Variants in FANCA observed in about 807,000 individuals in gnomAD.
The protein encoded by FANCA is FA complementation group A.
FANCA carries 236 observed loss-of-function variants against 194.3 expected under a neutral mutation model. The observed-to-expected ratio is 1.21, with a 90% CI of 1.09 to 1.35. The LOEUF is 1.35. Ranked by LOEUF, FANCA falls within the 40% of genes most tolerant of loss-of-function variation. The pLI, the probability that FANCA is intolerant of heterozygous loss-of-function variation, is 0.00. For missense variants in FANCA, 2,628 were observed against 1,813.9 expected, an observed-to-expected ratio of 1.45 and a Z score of -8.15; for synonymous variants, 1,014 against 715.8, an observed-to-expected ratio of 1.42 and a Z score of -6.65.
Position 89,738,239 on chromosome 16 carries a change from C to A in FANCA, c.*362G>T. ...GAGGGCCAGGCGGTGAAGCCCGAAC[C>A]CACCTGAGGACGGCAGTGAGGATGA... is the stretch of plus-strand genomic sequence containing the variant. On this transcript the variant is annotated 3_prime_UTR_variant, in exon 43 of 43. Transcript: ENST00000389301. 1 of 1,602,536 alleles carries A rather than the reference C, an allele frequency of 6.2e-7. No homozygotes were observed. Among genetic ancestry groups the A allele is most frequent in the Non-Finnish European group, 8.5e-7 (1 of 1,175,140 alleles).
In FANCA at chr16:89,799,217, A is replaced by AACTG; in HGVS notation, c.841_842insCAGT (p.Leu281SerfsTer59). The AACTG allele has an allele frequency of 6.2e-7, 1 of 1,614,122 alleles. No homozygotes were observed. The highest frequency in any genetic ancestry group is 8.5e-7 in the Non-Finnish European group (1 of 1,180,048). On this transcript the variant is annotated frameshift_variant, in exon 10 of 43. Coordinates refer to ENST00000389301, the MANE Select transcript of FANCA (RefSeq NM_000135.4). LOFTEE classifies it high-confidence loss of function. ...GGACTCCTCCTGTACTCCAGCAGCC[A>AACTG]AAGCGTCAAGTGCAACTGAAGACAG... is the stretch of plus-strand genomic sequence containing the variant.
At chr16:89,777,463 C>T (rs561038239) in intron 20 of FANCA, among the ~76,000 whole-genome samples, 3 of 151,668 alleles carry the variant, frequency 2.0e-5, no homozygotes, top group Admixed American at 6.6e-5. Context: ...TGGTGGCTCA[C>T]GCTTGTAATC....
Position 89,746,637 on chromosome 16 carries a change from A to T in FANCA, c.3460T>A (p.Phe1154Ile). Residue 1154 changes from phenylalanine to isoleucine, a missense_variant, in exon 35 of 43, where the codon TTC becomes ATC. Coordinates refer to ENST00000389301, the MANE Select transcript of FANCA (RefSeq NM_000135.4). The stretch of plus-strand genomic sequence containing the variant: ...TTCGTCTGGCACTTGGCCAGTATGA[A>T]GTCGACCATCAGGGAGGGGTCTCTG... Reference protein sequence around the residue: ...RSRDPSLMVDFILAKCQTKCP... With the variant: ...RSRDPSLMVDIILAKCQTKCP... The T allele has an allele frequency of 6.2e-7, 1 of 1,614,222 alleles. No individual in the cohort carries two copies. The highest frequency in any genetic ancestry group is 1.3e-5 in the African/African-American group (1 of 75,066).
intron 22 of FANCA, among the ~76,000 whole-genome samples, chr16:89,772,754 G>C (rs1345947628): frequency 6.6e-6 from 1 of 151,806 alleles, no homozygotes; most frequent in Non-Finnish European, 1.5e-5. Flanking sequence ...AGGAGGCGGA[G>C]GTTGCAGTGA....
intron 3 of FANCA, 59 bp from the exon 4 acceptor site, chr16:89,811,130 A>G (rs1260895008): frequency 2.5e-6 from 4 of 1,610,194 alleles, no homozygotes; most frequent in Non-Finnish European, 3.4e-6. Context: ...ATCTAAAACC[A>G]AAGACTTGCT....
intron 28 of FANCA, among the ~76,000 whole-genome samples, chr16:89,762,437 T>C (rs1404592624): frequency 6.6e-6 from 1 of 151,818 alleles, no homozygotes; most frequent in Non-Finnish European, 1.5e-5. Flanking sequence ...CTACAAAAGA[T>C]TTAAAAATCA....
At chr16:89,740,181 G>A (rs1280590354) in intron 38 of FANCA, 82 bp from the exon 39 acceptor site, 6 of 1,085,944 alleles carry the variant, frequency 5.5e-6, no homozygotes, top group African/African-American at 1.5e-5. Flanking sequence ...CAGCACAGAA[G>A]AGGGCATTTC....
chr16:89,756,162 T>C (rs913087848), intron 30 of FANCA, among the ~76,000 whole-genome samples: 1 of 152,218 alleles, frequency 6.6e-6, no homozygotes, highest in Admixed American at 6.5e-5. Context: ...AACATTCTTA[T>C]GCAGTACATG....
intron 17 of FANCA, among the ~76,000 whole-genome samples, chr16:89,781,675 C>CAA (rs1191506028): frequency 2.7e-4 from 22 of 81,602 alleles, no homozygotes; most frequent in African/African-American, 4.3e-4. Flanking sequence ...GACTCCGTCT[C>CAA]AAAAAAAAAA....
intron 14 of FANCA, among the ~76,000 whole-genome samples, chr16:89,789,401 C>T (rs1420266680): frequency 6.6e-6 from 1 of 150,402 alleles, no homozygotes; most frequent in East Asian, 2.0e-4. Context: ...GAGGCAACTA[C>T]TTCACCGAGG....
At position 89,798,881 on chromosome 16, in the gene FANCA, G is replaced by C. The variant is rs1346415902; in HGVS notation, c.893+285C>G. The C allele has an allele frequency of 7.6e-6, 12 of 1,571,056 alleles. No individual in the cohort carries two copies. In the African/African-American group the frequency reaches 1.6e-4, roughly 21 times the overall value. On this transcript the variant is annotated intron_variant, in intron 10 of 42. Transcript: ENST00000389301. ...AAGGGGAGACTCCACACAGGAGGAG[G>C]TCACAGTGAGTGGGACAAACATTGG...
chr16:89,737,558 T>A lies in FANCA; in HGVS notation c.*1043A>T. 2 of 555,734 alleles carry A rather than the reference T, an allele frequency of 3.6e-6. No individual in the cohort carries two copies. Among genetic ancestry groups the A allele is most frequent in the Non-Finnish European group, 5.9e-6 (2 of 340,234 alleles). 34.4% of individuals were successfully genotyped at this position (555,734 alleles called of 1,614,324 possible). On this transcript the variant is annotated 3_prime_UTR_variant, in exon 43 of 43. Coordinates refer to ENST00000389301, the MANE Select transcript of FANCA (RefSeq NM_000135.4). ...AGACAAGAATCTGTGGTTAAGGAAA[T>A]AGCTTTCTGAGGTTTCTTTAAAAAC...
intron 21 of FANCA, among the ~76,000 whole-genome samples, chr16:89,774,306 A>G (rs2039420679): frequency 6.6e-6 from 1 of 152,088 alleles, no homozygotes; most frequent in African/African-American, 2.4e-5. Context: ...GCTACGAACA[A>G]GTGGACCCCA....
Position 89,765,212 on chromosome 16 carries a change from C to T in FANCA, c.2602-146G>A, listed in dbSNP as rs17226806. The T allele has an allele frequency of 2.2e-3, 2,017 of 932,920 alleles. 28 individuals are homozygous for T. The African/African-American group carries it at 0.029, about 13-fold the overall frequency. 57.8% of individuals were successfully genotyped at this position (932,920 alleles called of 1,614,324 possible). A position where few individuals can be genotyped will look rare whatever the true frequency, so the allele number is the denominator to read the frequency against. ...GACCTCAGTCCAGCCCCTGGGAGGG[C>T]GCAATACACGACCCCACGTTCAGGG... On this transcript the variant is annotated intron_variant, in intron 27 of 42. Coordinates refer to ENST00000389301, the MANE Select transcript of FANCA (RefSeq NM_000135.4).
intron 29 of FANCA, among the ~76,000 whole-genome samples, chr16:89,761,434 A>AAAG (rs1555544029): frequency 6.6e-6 from 1 of 151,558 alleles, no homozygotes. Context: ...AAAAAAAAAA[A>AAAG]AAAGAAAAAC....
intron 27 of FANCA, 68 bp downstream of exon 27, chr16:89,767,073 C>G (rs1371731864): frequency 7.8e-7 from 1 of 1,284,184 alleles, no homozygotes; most frequent in East Asian, 2.3e-5. Context: ...CCTCGGCCTT[C>G]CGGTCCGAAA....
intron 5 of FANCA, among the ~76,000 whole-genome samples, chr16:89,809,267 C>A (rs924715642): frequency 2.0e-5 from 3 of 152,138 alleles, no homozygotes; most frequent in African/African-American, 7.2e-5. Flanking sequence ...ATCTGATATG[C>A]ATGTCCAACA....
At chr16:89,754,819 C>T (rs1221976308) in intron 30 of FANCA, among the ~76,000 whole-genome samples, 1 of 152,230 alleles carries the variant, frequency 6.6e-6, no homozygotes, top group African/African-American at 2.4e-5. Flanking sequence ...GACTCGCTAT[C>T]ACTGAGATGG....
chr16:89,780,345 G>A (rs1248173857), intron 17 of FANCA, among the ~76,000 whole-genome samples: 2 of 152,114 alleles, frequency 1.3e-5, no homozygotes, highest in Non-Finnish European at 2.9e-5. Flanking sequence ...ACGAGGGCTG[G>A]GTGCCATGAC....
Sources: allele counts gnomAD v4.1 joint callset (sites outside exome capture counted in the v4.1 genomes callset), GRCh38; gene constraint gnomAD v4.1.1; transcripts MANE v1.5; gene names NCBI Gene and HGNC (gene_info 2026-07-23, HGNC 2026-07-21).